Variants in CHD1 observed in about 807,000 individuals in gnomAD.
CHD1 encodes the protein ATP-dependent chromatin remodeler CHD1.
CHD1 carries 36 observed loss-of-function variants against 224.2 expected under a neutral mutation model. The observed-to-expected ratio is 0.16, with a 90% CI of 0.12 to 0.21. The LOEUF (loss-of-function observed/expected upper bound fraction) is 0.21. CHD1 is among the 10% of genes least tolerant of loss of function. The pLI, the probability that CHD1 is intolerant of heterozygous loss-of-function variation, is 1.00. For missense variants in CHD1, 1,378 were observed against 1,994.8 expected (o/e 0.69, Z 5.89); for synonymous variants, 668 against 658.3 (o/e 1.01, Z -0.23).
chr5:98,894,369 T>C (rs1378167497), intron 13 of CHD1, among the ~76,000 whole-genome samples: 2 of 152,174 alleles, frequency 1.3e-5, no homozygotes, highest in East Asian at 3.9e-4. Context: ...TTTCAGACTT[T>C]GCAGATAAAT....
In CHD1 at chr5:98,853,994, GAATT is replaced by G. The variant is rs1195776114; in HGVS notation, c.*2382_*2385del. On this transcript the variant is annotated 3_prime_UTR_variant, in exon 36 of 36. Transcript: ENST00000614616. ...GCAAACAGGCTATTGCTTTTAGTAA[GAATT>G]ATTTATTGTATAAAAGTGGAAGGTT... 3 of 151,828 alleles carry G rather than the reference GAATT, an allele frequency of 2.0e-5. No homozygotes were observed. Among genetic ancestry groups the G allele is most frequent in the African/African-American group, 7.3e-5 (3 of 41,360 alleles). The allele number at this position is 151,828 out of a possible 1,614,324, so 9.4% of individuals were successfully genotyped here.
At chr5:98,917,702 C>T (rs1404801092) in intron 2 of CHD1, among the ~76,000 whole-genome samples, 5 of 152,206 alleles carry the variant, frequency 3.3e-5, no homozygotes, top group Non-Finnish European at 5.9e-5. Context: ...GAAGTCAGTA[C>T]TGTTTGAATA....
chr5:98,883,776 G>C (rs1462599806), intron 18 of CHD1: 2 of 169,156 alleles, frequency 1.2e-5, no homozygotes, highest in Non-Finnish European at 2.2e-5. Context: ...CAGCCATAAA[G>C]AAGAATGAAA....
At chr5:98,876,591 G>GT in intron 23 of CHD1, 33 bp from the exon 24 acceptor site, 1 of 1,584,186 alleles carries the variant, frequency 6.3e-7, no homozygotes, top group East Asian at 2.2e-5. Flanking sequence ...CAACCTTAGT[G>GT]TAAAAACAGC....
chr5:98,863,360 C>A (rs1165225872), intron 32 of CHD1, 48 bp downstream of exon 32: 12 of 1,041,972 alleles, frequency 1.2e-5, no homozygotes, highest in South Asian at 4.7e-5. Flanking sequence ...AAAAAAAAGA[C>A]AGTTATATAA....
chr5:98,906,520 C>A (rs536467874), intron 2 of CHD1, among the ~76,000 whole-genome samples: 166 of 152,194 alleles, frequency 1.1e-3, no homozygotes, highest in Middle Eastern at 3.4e-3. Context: ...TTATTGAGAA[C>A]TATCATGTGT....
At chr5:98,900,725 T>G in intron 7 of CHD1, 86 bp downstream of exon 7, 3 of 1,202,458 alleles carry the variant, frequency 2.5e-6, no homozygotes, top group Non-Finnish European at 3.5e-6. Context: ...GTACTGGGAT[T>G]ACAGGGGCGA....
intron 15 of CHD1, 36 bp downstream of exon 15, chr5:98,892,489 T>A (rs1482364606): frequency 3.4e-6 from 5 of 1,489,892 alleles, no homozygotes. Flanking sequence ...GTTTTCAGAA[T>A]TAGAAGTTCA....
chr5:98,873,744 T>C, intron 25 of CHD1, 21 bp from the exon 26 acceptor site: 1 of 1,590,784 alleles, frequency 6.3e-7, no homozygotes, highest in South Asian at 1.2e-5. Context: ...ATAATCCAAT[T>C]TTCAGGTAAA....
At chr5:98,875,313 C>T (rs1229298992) in intron 24 of CHD1, among the ~76,000 whole-genome samples, 200 bp from the exon 25 acceptor site, 1 of 152,110 alleles carries the variant, frequency 6.6e-6, no homozygotes, top group African/African-American at 2.4e-5. Context: ...GGTAAATTAA[C>T]ATCCAAGATG....
chr5:98,897,090 G>T, intron 11 of CHD1, 103 bp downstream of exon 11: 1 of 1,092,280 alleles, frequency 9.2e-7, no homozygotes, highest in Non-Finnish European at 1.3e-6. Flanking sequence ...CATATAAACT[G>T]CCAAAGAGTC....
chr5:98,866,529 T>C (rs1269685906), intron 31 of CHD1, among the ~76,000 whole-genome samples: 1 of 152,014 alleles, frequency 6.6e-6, no homozygotes, highest in Non-Finnish European at 1.5e-5. Flanking sequence ...TGAAAACAAA[T>C]ATAATTTTAG....
chr5:98,862,495 C>T (rs573497299), intron 32 of CHD1, among the ~76,000 whole-genome samples: 241 of 152,306 alleles, frequency 1.6e-3, no homozygotes, highest in African/African-American at 5.5e-3. Context: ...TTATAACAAA[C>T]CGAATTTGAA....
chr5:98,893,940 A>G (rs1335938917), intron 13 of CHD1, among the ~76,000 whole-genome samples: 1 of 152,138 alleles, frequency 6.6e-6, no homozygotes, highest in Non-Finnish European at 1.5e-5. Flanking sequence ...ATTAATGTCA[A>G]TATGAAAAAA....
intron 10 of CHD1, 141 bp downstream of exon 10, chr5:98,898,115 A>G: frequency 2.5e-6 from 1 of 404,814 alleles, no homozygotes; most frequent in Non-Finnish European, 4.2e-6. Flanking sequence ...GCAGAAGTTC[A>G]CTTCCTGTAA....
In CHD1 at chr5:98,881,230, T is replaced by A. The variant is rs1038158609; in HGVS notation, c.2964+49A>T. On this transcript the variant is annotated intron_variant, in intron 21 of 35. Coordinates refer to ENST00000614616, the MANE Select transcript of CHD1 (RefSeq NM_001270.4). ...GAATCCTTTCATCCTGTCAAATATA[T>A]GACACATATTCTGAGGCAGGCCTTT... 24 of 1,383,870 alleles carry A rather than the reference T, an allele frequency of 1.7e-5. No individual in the cohort carries two copies. The Admixed American group carries it at 5.5e-4, about 32-fold the overall frequency. 85.7% of individuals were successfully genotyped at this position (1,383,870 alleles called of 1,614,324 possible). A position where few individuals can be genotyped will look rare whatever the true frequency, so the allele number is the denominator to read the frequency against.
At chr5:98,892,016 A>G (rs541200536) in intron 15 of CHD1, among the ~76,000 whole-genome samples, 2 of 152,232 alleles carry the variant, frequency 1.3e-5, no homozygotes, top group Non-Finnish European at 1.5e-5. Context: ...ATGTAGCAAT[A>G]TATTTCCTTT....
chr5:98,895,846 C>G (rs1756808392), intron 12 of CHD1, among the ~76,000 whole-genome samples: 1 of 151,806 alleles, frequency 6.6e-6, no homozygotes, highest in Non-Finnish European at 1.5e-5. Flanking sequence ...GTACTGAGAA[C>G]TTATTTGTGG....
rs201133457 is a variant in CHD1 at position 98,856,707 on chromosome 5, C to T, written c.4806G>A (p.Glu1602=). 5 of 1,604,496 alleles carry T rather than the reference C, an allele frequency of 3.1e-6. No homozygotes were observed. The East Asian group carries it at 6.7e-5, about 22-fold the overall frequency. ...TGTGATCATCCAGTTTTCTGTGTTT[C>T]TCTCTGTCACTGTAATATCTAATAA... is the stretch of plus-strand genomic sequence containing the variant. ...KQDSRYYSDR[E]KHRKLDDHRS... Residue 1602 remains glutamate (E), a synonymous_variant, in exon 36 of 36, where the codon GAG becomes GAA. Coordinates refer to ENST00000614616, the MANE Select transcript of CHD1 (RefSeq NM_001270.4).
Sources: allele counts gnomAD v4.1 joint callset (sites outside exome capture counted in the v4.1 genomes callset), GRCh38; gene constraint gnomAD v4.1.1; transcripts MANE v1.5; gene names NCBI Gene and HGNC (gene_info 2026-07-23, HGNC 2026-07-21).